TMEM232: variants seen among roughly 807,000 people sequenced by gnomAD.
TMEM232 encodes transmembrane protein 232.
Under a neutral mutation model 78.8 loss-of-function variants are expected in TMEM232, and 80 were observed. That is an observed-to-expected ratio of 1.01 (90% CI 0.85 to 1.22). The LOEUF is 1.22. Ranked by LOEUF, TMEM232 falls within the 50% of genes most tolerant of loss-of-function variation. The pLI is 0.00. For missense variants in TMEM232, 881 were observed against 742.2 expected (o/e 1.19, Z -2.17); for synonymous variants, 297 against 254.3 (o/e 1.17, Z -1.60).
chr5:110,715,573 T>C (rs1010105938), intron 1 of TMEM232, among the ~76,000 whole-genome samples: 1 of 152,144 alleles, frequency 6.6e-6, no homozygotes, highest in Non-Finnish European at 1.5e-5. Context: ...TGCTGACAAT[T>C]ACATTAATAC....
intron 8 of TMEM232, 76 bp downstream of exon 8, chr5:110,618,353 A>T: frequency 6.6e-7 from 1 of 1,507,306 alleles, no homozygotes; most frequent in Non-Finnish European, 8.9e-7. Context: ...ATTAACATTT[A>T]GGTACAAGGG....
At chr5:110,517,442 G>C (rs1461867186) in intron 12 of TMEM232, among the ~76,000 whole-genome samples, 16 of 152,318 alleles carry the variant, frequency 1.1e-4, no homozygotes, top group South Asian at 4.1e-4. Context: ...TAAAAAAGCA[G>C]GTATAATCCA....
intron 11 of TMEM232, among the ~76,000 whole-genome samples, chr5:110,552,227 G>C (rs73783638): frequency 0.045 from 6,843 of 152,002 alleles, 553 homozygotes; most frequent in African/African-American, 0.16. Context: ...AAATTAAGGA[G>C]GCATATTGCA....
Position 110,606,283 on chromosome 5 carries a change from C to G in TMEM232, c.907G>C (p.Asp303His), listed in dbSNP as rs1561373808. ...AGGACCAGTAAAGCCAGTACTGAAT[C>G]CAACCTGAAAATTTTATGGACGAAA... is the stretch of plus-strand genomic sequence containing the variant. ...KTQLQKKCWL[D>H]SVLALLVLGE... The change falls in exon 9 of 14, where the codon GAT (aspartate) becomes CAT (histidine). Residue 303 changes from aspartate to histidine, a missense_variant. By Grantham distance (81) the Asp-to-His change is moderately conservative (BLOSUM62 -1). Transcript: ENST00000455884. 5 of 1,518,522 alleles carry G rather than the reference C, an allele frequency of 3.3e-6. No individual in the cohort carries two copies. In the African/African-American group the frequency reaches 4.2e-5, roughly 13 times the overall value. The allele number at this position is 1,518,522 out of a possible 1,614,324, so 94.1% of individuals were successfully genotyped here. A position where few individuals can be genotyped will look rare whatever the true frequency, so the allele number is the denominator to read the frequency against.
intron 10 of TMEM232, among the ~76,000 whole-genome samples, chr5:110,590,230 C>A (rs77261357): frequency 0.04 from 6,071 of 152,204 alleles, 189 homozygotes; most frequent in Non-Finnish European, 0.057. Flanking sequence ...CTCACACAAA[C>A]CTCAGAGTGG....
chr5:110,525,989 G>A (rs1163105350), intron 12 of TMEM232, among the ~76,000 whole-genome samples: 1 of 94,780 alleles, frequency 1.1e-5, no homozygotes, highest in East Asian at 3.2e-4. Flanking sequence ...TGAGACAAGT[G>A]AATAGGCAGA....
At chr5:110,675,177 T>A (rs1054419069) in intron 1 of TMEM232, among the ~76,000 whole-genome samples, 1 of 152,072 alleles carries the variant, frequency 6.6e-6, no homozygotes, top group African/African-American at 2.4e-5. Flanking sequence ...CCTGGGTAGC[T>A]GGGATTACAG....
intron 2 of TMEM232, among the ~76,000 whole-genome samples, chr5:110,657,083 T>A (rs571401528): frequency 2.2e-4 from 34 of 152,178 alleles, no homozygotes; most frequent in African/African-American, 7.7e-4. Context: ...AGCCACCTCA[T>A]CCCAGCTAGA....
chr5:110,619,544 A>G (rs920464031), intron 7 of TMEM232, among the ~76,000 whole-genome samples: 1 of 152,206 alleles, frequency 6.6e-6, no homozygotes, highest in African/African-American at 2.4e-5. Context: ...ACAATAATTC[A>G]GAAAAGCAAA....
intron 10 of TMEM232, among the ~76,000 whole-genome samples, chr5:110,599,736 C>A (rs1388501230): frequency 6.6e-6 from 1 of 152,138 alleles, no homozygotes; most frequent in Non-Finnish European, 1.5e-5. Flanking sequence ...TAATACCCCA[C>A]TGTCAATATT....
intron 12 of TMEM232, among the ~76,000 whole-genome samples, chr5:110,520,484 A>G (rs1243138524): frequency 6.6e-6 from 1 of 152,226 alleles, no homozygotes; most frequent in Admixed American, 6.5e-5. Context: ...AATATTACTT[A>G]AGACTACTGA....
intron 2 of TMEM232, among the ~76,000 whole-genome samples, chr5:110,654,854 G>A (rs1473501301): frequency 6.6e-6 from 1 of 152,068 alleles, no homozygotes; most frequent in Non-Finnish European, 1.5e-5. Flanking sequence ...TCCTTGAAGA[G>A]GCCCTTCACG....
At chr5:110,681,892 C>T (rs541560976) in intron 1 of TMEM232, among the ~76,000 whole-genome samples, 1 of 152,064 alleles carries the variant, frequency 6.6e-6, no homozygotes, top group African/African-American at 2.4e-5. Flanking sequence ...ATGCATAGAG[C>T]ATGTTGACTT....
At chr5:110,419,236 G>GAGAT (rs1756424088), downstream of TMEM232, among the ~76,000 whole-genome samples, 1 of 151,956 alleles carries the variant, frequency 6.6e-6, no homozygotes, top group Non-Finnish European at 1.5e-5. Flanking sequence ...GGTATATTGG[G>GAGAT]AGATATTTCT....
chr5:110,622,487 C>T (rs972533372), intron 7 of TMEM232, among the ~76,000 whole-genome samples: 1 of 152,026 alleles, frequency 6.6e-6, no homozygotes, highest in Admixed American at 6.6e-5. Context: ...TGATGATTTC[C>T]AATTTCATCC....
At chr5:110,599,006 TATA>T (rs1167691338) in intron 10 of TMEM232, among the ~76,000 whole-genome samples, 2 of 151,454 alleles carry the variant, frequency 1.3e-5, no homozygotes, top group Non-Finnish European at 3.0e-5. Context: ...AAACTTAAAG[TATA>T]ATAATAATAA....
At chr5:110,463,839 C>T (rs977081816) in intron 12 of TMEM232, among the ~76,000 whole-genome samples, 10 of 152,218 alleles carry the variant, frequency 6.6e-5, no homozygotes, top group Non-Finnish European at 1.2e-4. Flanking sequence ...AGACCACCCA[C>T]CTGATTTCCC....
intron 1 of TMEM232, among the ~76,000 whole-genome samples, chr5:110,722,691 C>A (rs1040195080): frequency 6.6e-6 from 1 of 152,130 alleles, no homozygotes; most frequent in African/African-American, 2.4e-5. Context: ...ATTGGTCATA[C>A]AGAAGGGCCA....
chr5:110,645,014 C>A (rs1176417067), intron 2 of TMEM232, among the ~76,000 whole-genome samples: 2 of 151,404 alleles, frequency 1.3e-5, no homozygotes, highest in African/African-American at 4.8e-5. Context: ...AATTTACAAG[C>A]TACCAAAACT....
Sources: allele counts gnomAD v4.1 joint callset (sites outside exome capture counted in the v4.1 genomes callset), GRCh38; gene constraint gnomAD v4.1.1; transcripts MANE v1.5; gene names NCBI Gene and HGNC (gene_info 2026-07-23, HGNC 2026-07-21).